ARMH3: variants seen among roughly 807,000 people sequenced by gnomAD.
ARMH3 encodes armadillo like helical domain containing 3, also known as armadillo-like helical domain-containing protein 3.
Under a neutral mutation model 99.1 loss-of-function variants are expected in ARMH3, and 60 were observed. The ratio of observed to expected loss-of-function variants is 0.61; its 90% CI spans 0.49 to 0.75. The LOEUF (loss-of-function observed/expected upper bound fraction) is 0.75, where lower values mean the gene tolerates loss of function less well. Ranked by LOEUF, ARMH3 falls within the 30% of genes least tolerant of loss-of-function variation. The pLI, the probability that ARMH3 is intolerant of heterozygous loss-of-function variation, is 0.00. For missense variants in ARMH3, 679 were observed against 843.1 expected (o/e 0.81, Z 2.41); for synonymous variants, 285 against 292.8 (o/e 0.97, Z 0.27).
At chr10:101,871,604 T>C (rs536566861) in intron 24 of ARMH3, among the ~76,000 whole-genome samples, 2 of 152,164 alleles carry the variant, frequency 1.3e-5, no homozygotes, top group Non-Finnish European at 2.9e-5. Context: ...AACTGAATAT[T>C]TGGCGGGGGG....
intron 23 of ARMH3, among the ~76,000 whole-genome samples, chr10:101,900,504 A>C: frequency 6.6e-6 from 1 of 152,242 alleles, no homozygotes; most frequent in Non-Finnish European, 1.5e-5. Flanking sequence ...GAACATTCCA[A>C]TCTCTTGAAT....
chr10:101,994,357 GA>G (rs1846954845), intron 16 of ARMH3, among the ~76,000 whole-genome samples: 1 of 152,170 alleles, frequency 6.6e-6, no homozygotes, highest in Non-Finnish European at 1.5e-5. Flanking sequence ...CTAATCTTGT[GA>G]AAAGGAGGTC....
intron 20 of ARMH3, among the ~76,000 whole-genome samples, chr10:101,964,091 T>C (rs970936770): frequency 6.6e-6 from 1 of 152,112 alleles, no homozygotes; most frequent in Non-Finnish European, 1.5e-5. Flanking sequence ...TTAGCCAGGA[T>C]AGTCTCGATC....
intron 24 of ARMH3, among the ~76,000 whole-genome samples, chr10:101,887,460 G>A (rs2067575283): frequency 6.6e-6 from 1 of 151,986 alleles, no homozygotes; most frequent in Admixed American, 6.6e-5. Context: ...CTGGAGTGCA[G>A]TGGCATGATC....
intron 22 of ARMH3, among the ~76,000 whole-genome samples, chr10:101,950,545 A>G (rs1338931669): frequency 6.6e-6 from 1 of 152,242 alleles, no homozygotes; most frequent in African/African-American, 2.4e-5. Flanking sequence ...GAAGCAACCT[A>G]AATGTCTACC....
intron 8 of ARMH3, among the ~76,000 whole-genome samples, chr10:102,016,511 C>T (rs951623407): frequency 2.6e-5 from 4 of 152,128 alleles, no homozygotes; most frequent in African/African-American, 4.8e-5. Context: ...CAAAGGAAAG[C>T]TCTTTAGGAA....
intron 24 of ARMH3, among the ~76,000 whole-genome samples, chr10:101,859,776 A>G (rs532362709): frequency 1.3e-5 from 2 of 152,310 alleles, no homozygotes; most frequent in South Asian, 4.1e-4. Context: ...ATAGCAACCA[A>G]AAGAGTTGTA....
In ARMH3 at chr10:101,993,542, C is replaced by T. The variant is rs187830209; in HGVS notation, c.1271G>A (p.Arg424Lys). The change falls in exon 17 of 26, where the codon AGA (arginine) becomes AAA (lysine). Residue 424 changes from arginine (R) to lysine (K), a missense_variant. Coordinates refer to ENST00000370033, the MANE Select transcript of ARMH3 (RefSeq NM_024541.3). The stretch of plus-strand genomic sequence containing the variant: ...AGAAGCAAAAGAAACACCTACCATT[C>T]TATGTAAGTTTACTCGAAAATTCAT... ...DNMNFRVNLH[R>K]MPMRHRKKAA... 2.2e-5 allele frequency: 35 copies of T among 1,595,360 alleles called. 1 individual carries two copies. The Admixed American group carries it at 5.8e-4, about 27-fold the overall frequency.
intron 24 of ARMH3, among the ~76,000 whole-genome samples, chr10:101,871,722 C>T (rs369935833): frequency 2.0e-5 from 3 of 152,174 alleles, no homozygotes; most frequent in South Asian, 2.1e-4. Context: ...ACAACGAGGC[C>T]GGGTACAGTG....
intron 24 of ARMH3, among the ~76,000 whole-genome samples, chr10:101,863,395 T>G (rs1272177500): frequency 6.6e-6 from 1 of 152,128 alleles, no homozygotes; most frequent in Non-Finnish European, 1.5e-5. Flanking sequence ...TTCAAAACTT[T>G]GAATGAAACA....
intron 2 of ARMH3, among the ~76,000 whole-genome samples, chr10:102,037,393 A>T (rs2067302855): frequency 6.6e-6 from 1 of 151,954 alleles, no homozygotes; most frequent in Non-Finnish European, 1.5e-5. Flanking sequence ...TACCTTGGTC[A>T]GGCTGGTCTC....
At chr10:102,035,113 GTAATCCCAGCAC>G (rs1564871506) in intron 2 of ARMH3, among the ~76,000 whole-genome samples, 1 of 152,034 alleles carries the variant, frequency 6.6e-6, no homozygotes, top group Non-Finnish European at 1.5e-5. Flanking sequence ...GCTCACACCT[GTAATCCCAGCAC>G]TTTGGCAGGC....
chr10:101,984,893 AC>A (rs1218367419), intron 19 of ARMH3, among the ~76,000 whole-genome samples: 1 of 151,636 alleles, frequency 6.6e-6, no homozygotes, highest in East Asian at 1.9e-4. Flanking sequence ...AGATGGTGAA[AC>A]CCCGTCTCTA....
chr10:102,034,905 T>A (rs1016410446), intron 2 of ARMH3, among the ~76,000 whole-genome samples: 5 of 151,122 alleles, frequency 3.3e-5, no homozygotes, highest in Non-Finnish European at 7.4e-5. Flanking sequence ...CAAAACTCCA[T>A]CTCAAAAACA....
intron 23 of ARMH3, among the ~76,000 whole-genome samples, chr10:101,895,367 C>T (rs533242428): frequency 1.3e-5 from 2 of 151,698 alleles, no homozygotes; most frequent in Non-Finnish European, 1.5e-5. Flanking sequence ...GCAAGCTCCA[C>T]CTCCCGGGTT....
chr10:102,000,533 C>A (rs1467077708), intron 15 of ARMH3, among the ~76,000 whole-genome samples: 1 of 151,044 alleles, frequency 6.6e-6, no homozygotes, highest in African/African-American at 2.4e-5. Flanking sequence ...CCAAGGCGGG[C>A]AGATCACTTG....
At chr10:101,960,788 G>T (rs1332256321) in intron 20 of ARMH3, among the ~76,000 whole-genome samples, 1 of 151,702 alleles carries the variant, frequency 6.6e-6, no homozygotes, top group Non-Finnish European at 1.5e-5. Flanking sequence ...TACTCGTGAG[G>T]CTGAGGCAGG....
chr10:101,910,103 C>T lies in ARMH3; in HGVS notation c.1782-20613G>A, dbSNP rs549466320. Reference sequence around the variant, plus strand: ...AATGCAGGAAATCAATACAGTGATGCGGCCCTGGCAAGTCAAAAACACTGG... The same window carrying T: ...AATGCAGGAAATCAATACAGTGATGTGGCCCTGGCAAGTCAAAAACACTGG... On this transcript the variant is annotated intron_variant, in intron 23 of 25. Coordinates refer to ENST00000370033, the MANE Select transcript of ARMH3 (RefSeq NM_024541.3). Among the ~76,000 whole-genome samples the T allele has an allele frequency of 3.9e-5, 6 of 152,246 alleles. No homozygotes were observed. In the East Asian group the frequency reaches 5.8e-4, roughly 15 times the overall value.
chr10:102,047,563 G>A (rs906136627), intron 1 of ARMH3, among the ~76,000 whole-genome samples: 11 of 150,740 alleles, frequency 7.3e-5, no homozygotes, highest in South Asian at 6.3e-4. Context: ...CTCGGCTCAC[G>A]GCAACCTCCG....
Sources: allele counts gnomAD v4.1 joint callset (sites outside exome capture counted in the v4.1 genomes callset), GRCh38; gene constraint gnomAD v4.1.1; transcripts MANE v1.5; gene names NCBI Gene and HGNC (gene_info 2026-07-23, HGNC 2026-07-21).